Variants in FSTL4 observed in about 807,000 individuals in gnomAD.
FSTL4 encodes follistatin like 4.
A neutral mutation model predicts 78.2 loss-of-function variants in FSTL4; 28 were observed. That is an observed-to-expected ratio of 0.36 (90% CI 0.27 to 0.49). The LOEUF (loss-of-function observed/expected upper bound fraction) is 0.49, where lower values mean the gene tolerates loss of function less well. FSTL4 is among the 20% of genes least tolerant of loss of function. The pLI is 0.98. For synonymous variants in FSTL4, 422 were observed against 440.5 expected (o/e 0.96, Z 0.53); for missense variants, 922 against 1,084.9 (o/e 0.85, Z 2.11).
chr5:133,508,802 T>C (rs1453786920), intron 3 of FSTL4, among the ~76,000 whole-genome samples: 2 of 152,208 alleles, frequency 1.3e-5, no homozygotes, highest in African/African-American at 2.4e-5. Context: ...TAATGCAAAC[T>C]GCTAGGATGT....
At chr5:133,402,723 C>T (rs1756262484) in intron 3 of FSTL4, among the ~76,000 whole-genome samples, 1 of 152,184 alleles carries the variant, frequency 6.6e-6, no homozygotes, top group Admixed American at 6.5e-5. Flanking sequence ...ATTTAAATTC[C>T]TCCAGCCTTG....
Position 133,395,635 on chromosome 5 carries a change from G to A in FSTL4, c.409+5103C>T, listed in dbSNP as rs1756014680. On this transcript the variant is annotated intron_variant, in intron 4 of 15. Coordinates refer to ENST00000265342, the MANE Select transcript of FSTL4 (RefSeq NM_015082.2). ...CCAGCTTGCTGTGATCCACTTGTCT[G>A]CCTTTATCCCCAACTATGCTCTCCC... Among the ~76,000 whole-genome samples the A allele has an allele frequency of 3.9e-5, 6 of 152,138 alleles. No homozygotes were observed. In the South Asian group the frequency reaches 1.2e-3, roughly 32 times the overall value.
At chr5:133,829,294 C>A in the FSTL4 span, among the ~76,000 whole-genome samples, 1 of 152,088 alleles carries the variant, frequency 6.6e-6, no homozygotes, top group Non-Finnish European at 1.5e-5. Flanking sequence ...CTACTCAGGA[C>A]TTGCATCGCT....
At chr5:133,684,321 G>A in the FSTL4 span, among the ~76,000 whole-genome samples, 2 of 152,196 alleles carry the variant, frequency 1.3e-5, no homozygotes, top group African/African-American at 4.8e-5. Flanking sequence ...TGGCTGGGGA[G>A]GGAGGGTGCA....
chr5:133,644,505 T>C, the FSTL4 span, among the ~76,000 whole-genome samples: 1 of 151,878 alleles, frequency 6.6e-6, no homozygotes, highest in African/African-American at 2.4e-5. Context: ...GGCCCCAGAG[T>C]GACAACAGTA....
intron 3 of FSTL4, among the ~76,000 whole-genome samples, chr5:133,556,993 T>C (rs1759801135): frequency 6.6e-6 from 1 of 152,246 alleles, no homozygotes; most frequent in South Asian, 2.1e-4. Context: ...AGAAAGGATG[T>C]CATGTTTGGG....
intron 3 of FSTL4, among the ~76,000 whole-genome samples, chr5:133,490,330 G>C (rs184725360): frequency 6.7e-6 from 1 of 150,292 alleles, no homozygotes. Flanking sequence ...GCACATAAGC[G>C]TTTACTGCCA....
chr5:133,827,495 T>A, the FSTL4 span, among the ~76,000 whole-genome samples: 6 of 152,072 alleles, frequency 3.9e-5, no homozygotes, highest in African/African-American at 1.4e-4. Flanking sequence ...ACGAGGAGGA[T>A]TGATTTCTCT....
At chr5:133,690,023 T>C in the FSTL4 span, among the ~76,000 whole-genome samples, 2 of 152,062 alleles carry the variant, frequency 1.3e-5, no homozygotes, top group Non-Finnish European at 2.9e-5. Flanking sequence ...ATCACACCAT[T>C]GTACTCCAGC....
At chr5:133,639,632 A>C in the FSTL4 span, among the ~76,000 whole-genome samples, 2 of 152,026 alleles carry the variant, frequency 1.3e-5, no homozygotes, top group African/African-American at 2.4e-5. Context: ...AGGATCTCCT[A>C]CTCTCGGGCC....
At chr5:133,490,572 G>T (rs370374451) in intron 3 of FSTL4, among the ~76,000 whole-genome samples, 1 of 152,238 alleles carries the variant, frequency 6.6e-6, no homozygotes, top group East Asian at 1.9e-4. Flanking sequence ...ACTTGAATAT[G>T]TAGTGAATTC....
At chr5:133,666,054 A>T in the FSTL4 span, among the ~76,000 whole-genome samples, 1 of 152,062 alleles carries the variant, frequency 6.6e-6, no homozygotes. Flanking sequence ...CAAGAGTGGC[A>T]GTGTCCACAT....
intron 4 of FSTL4, among the ~76,000 whole-genome samples, chr5:133,317,140 A>C (rs190144302): frequency 2.5e-4 from 38 of 152,278 alleles, no homozygotes; most frequent in African/African-American, 8.4e-4. Context: ...TATGTTAATT[A>C]GGCACCCTCC....
Position 133,506,940 on chromosome 5 carries a change from G to A in FSTL4, c.160+60246C>T, listed in dbSNP as rs115841587. Among the ~76,000 whole-genome samples the A allele has an allele frequency of 1.8e-3, 273 of 152,290 alleles. 1 individual carries two copies. Among genetic ancestry groups the A allele is most frequent in the African/African-American group, 6.2e-3 (258 of 41,562 alleles). ...AAAAAGCAGGCAATAGGCCAGGCGCGGTGGCTCAGGCCTGTAATCCTACCA... is the reference window on the plus strand; with the variant it reads ...AAAAAGCAGGCAATAGGCCAGGCGCAGTGGCTCAGGCCTGTAATCCTACCA... On this transcript the variant is annotated intron_variant, in intron 3 of 15. Coordinates refer to ENST00000265342, the MANE Select transcript of FSTL4 (RefSeq NM_015082.2).
At chr5:133,414,918 A>G (rs1756546777) in intron 3 of FSTL4, among the ~76,000 whole-genome samples, 1 of 152,236 alleles carries the variant, frequency 6.6e-6, no homozygotes, top group Non-Finnish European at 1.5e-5. Context: ...TTTAAACAAT[A>G]AAGAGAAGCC....
At chr5:133,648,616 T>A in the FSTL4 span, among the ~76,000 whole-genome samples, 2 of 152,176 alleles carry the variant, frequency 1.3e-5, no homozygotes, top group Non-Finnish European at 2.9e-5. Context: ...GGGATGCTTA[T>A]CAACCACAGT....
At chr5:133,829,365 AAC>A in the FSTL4 span, among the ~76,000 whole-genome samples, 4 of 151,214 alleles carry the variant, frequency 2.6e-5, no homozygotes, top group African/African-American at 9.8e-5. Context: ...CAGCCTCGGC[AAC>A]AGAGTGAGAC....
intron 10 of FSTL4, 137 bp from the exon 11 acceptor site, chr5:133,224,353 C>T (rs976977764): frequency 2.2e-5 from 14 of 642,774 alleles, no homozygotes; most frequent in Middle Eastern, 2.6e-4. Context: ...GAATCTATAC[C>T]ACTCATTGCC....
the FSTL4 span, among the ~76,000 whole-genome samples, chr5:133,724,439 C>T: frequency 1.9e-4 from 24 of 127,252 alleles, no homozygotes; most frequent in African/African-American, 7.1e-4. Context: ...CAGAGCTCTC[C>T]TTCAGTCCTT....
Sources: gnomAD v4.1 joint callset for allele counts (sites outside exome capture counted in the v4.1 genomes callset) on GRCh38, gnomAD v4.1.1 for gene constraint, MANE v1.5 for transcripts, NCBI Gene and HGNC (gene_info 2026-07-23, HGNC 2026-07-21) for gene names.